The following FASTKD5 variants were observed in gnomAD, a reference collection of about 807,000 sequenced individuals.
FASTKD5 encodes the protein non-canonical pre-mRNAs endonuclease FASTKD5, mitochondrial.
A neutral mutation model predicts 44.0 loss-of-function variants in FASTKD5; 30 were observed. The ratio of observed to expected loss-of-function variants is 0.68; its 90% CI spans 0.51 to 0.93. The LOEUF is 0.93. FASTKD5 is among the 40% of genes least tolerant of loss of function. The pLI, the probability that FASTKD5 is intolerant of heterozygous loss-of-function variation, is 0.00. For missense variants in FASTKD5, 868 were observed against 908.2 expected, an observed-to-expected ratio of 0.96 and a Z score of 0.57; for synonymous variants, 335 against 342.2, an observed-to-expected ratio of 0.98 and a Z score of 0.23.
chr20:3,157,414 T>C (rs2066697338), intron 1 of FASTKD5, among the ~76,000 whole-genome samples: 1 of 152,226 alleles, frequency 6.6e-6, no homozygotes, highest in South Asian at 2.1e-4. Context: ...CTTTTTGTTC[T>C]AGACTCCATG....
chr20:3,157,810 T>C (rs1289839665), intron 1 of FASTKD5, among the ~76,000 whole-genome samples: 1 of 152,194 alleles, frequency 6.6e-6, no homozygotes, highest in African/African-American at 2.4e-5. Flanking sequence ...CAATAAACAC[T>C]TGGTTTTATC....
Position 3,149,056 on chromosome 20 carries a change from G to A in FASTKD5, c.15C>T (p.Leu5=). The change falls in exon 2 of 2, where the codon CTC becomes CTT. Residue 5 remains leucine, a synonymous_variant. Coordinates refer to ENST00000380266, the MANE Select transcript of FASTKD5 (RefSeq NM_021826.5). The surrounding 1 kb of genome is among the most constrained non-coding windows in gnomAD (Gnocchi z 4.1). ...GGTATCTTACAAGTTTTAATGACTTGAGAGTAGCTGCCATTCTGGTGTCAG... is the reference window on the plus strand; with the variant it reads ...GGTATCTTACAAGTTTTAATGACTTAAGAGTAGCTGCCATTCTGGTGTCAG... MAAT[L]KSLKLVRYRA... 1 of 1,610,842 alleles carries A rather than the reference G, an allele frequency of 6.2e-7. No homozygotes were observed. Among genetic ancestry groups the A allele is most frequent in the African/African-American group, 1.3e-5 (1 of 74,962 alleles).
rs769863884 is a variant in FASTKD5, at chr20:3,146,864, G to A, written c.2207C>T (p.Ser736Phe). The A allele has an allele frequency of 1.9e-6, 3 of 1,614,182 alleles. No homozygotes were observed. Among genetic ancestry groups the A allele is most frequent in the Non-Finnish European group, 2.5e-6 (3 of 1,180,028 alleles). ...ARLGYRVVEL[S>F]YWEWLPLLKR... ...CAGTAGTGGGAGCCATTCCCAGTAGGATAACTCTACCACACGGTAGCCAAG... is the reference window on the plus strand; with the variant it reads ...CAGTAGTGGGAGCCATTCCCAGTAGAATAACTCTACCACACGGTAGCCAAG... Residue 736 changes from serine (S) to phenylalanine (F), a missense_variant, in exon 2 of 2, where the codon TCC becomes TTC. Coordinates refer to ENST00000380266, the MANE Select transcript of FASTKD5 (RefSeq NM_021826.5).
At position 3,147,060 on chromosome 20, in the gene FASTKD5, T is replaced by C; in HGVS notation, c.2011A>G (p.Asn671Asp). 1 of 1,614,234 alleles carries C rather than the reference T, an allele frequency of 6.2e-7. No homozygotes were observed. The highest frequency in any genetic ancestry group is 1.1e-5 in the South Asian group (1 of 91,088). ...AAVPLGGFLC[N>D]VADKSGAMEM... ...ATGGCCCCTGATTTATCTGCTACAT[T>C]GCAAAGGAAGCCCCCCAGAGGTACA... Residue 671 changes from asparagine (N) to aspartate (D), a missense_variant, in exon 2 of 2, where the codon AAT (asparagine) becomes GAT (aspartate). Asn to Asp is a conservative substitution (Grantham distance 23). Coordinates refer to ENST00000380266, the MANE Select transcript of FASTKD5 (RefSeq NM_021826.5).
At chr20:3,158,020 G>T (rs2066706261) in intron 1 of FASTKD5, among the ~76,000 whole-genome samples, 1 of 151,980 alleles carries the variant, frequency 6.6e-6, no homozygotes, top group Non-Finnish European at 1.5e-5. Context: ...AACCTCCCGG[G>T]CGAGGATCGC....
intron 1 of FASTKD5, among the ~76,000 whole-genome samples, chr20:3,156,321 T>A (rs1279422724): frequency 6.6e-6 from 1 of 151,864 alleles, no homozygotes; most frequent in Admixed American, 6.6e-5. Context: ...GACTAAAGGC[T>A]CACGCCAACA....
chr20:3,149,774 T>C lies in FASTKD5; in HGVS notation c.-190-514A>G, dbSNP rs573140669. ...GGCTCATGCCTGTAATGCCAGCACT[T>C]TGGGAGGCCGAGGCAGGCAGATCAC... On this transcript the variant is annotated intron_variant, in intron 1 of 1. Coordinates refer to ENST00000380266, the MANE Select transcript of FASTKD5 (RefSeq NM_021826.5). This position sits in a 1 kb window ranked among gnomAD's most constrained non-coding sequence, Gnocchi z 4.1. Among the ~76,000 whole-genome samples, 3 of 152,278 alleles carry C rather than the reference T, an allele frequency of 2.0e-5. No individual in the cohort carries two copies. The highest frequency in any genetic ancestry group is 1.9e-4 in the East Asian group (1 of 5,176).
At chr20:3,154,278 C>G (rs886067058) in intron 1 of FASTKD5, among the ~76,000 whole-genome samples, 2 of 152,106 alleles carry the variant, frequency 1.3e-5, no homozygotes, top group African/African-American at 4.8e-5. Flanking sequence ...ATACTTCTAC[C>G]GGATAATCCG....
At position 3,147,476 on chromosome 20, in the gene FASTKD5, C is replaced by T. The variant is rs781016406; in HGVS notation, c.1595G>A (p.Arg532His). 1.1e-5 allele frequency: 18 copies of T among 1,614,192 alleles called. No homozygotes were observed. Among genetic ancestry groups the T allele is most frequent in the East Asian group, 6.7e-5 (3 of 44,890 alleles). ...GIECPDYRGN[R>H]LSTHLQQEGS... ...CTCTTGCTGAAGGTGAGTACTAAGA[C>T]GATTGCCTCTGTAATCTGGACACTC... Residue 532 changes from arginine (R) to histidine (H), a missense_variant, in exon 2 of 2, where the codon CGT becomes CAT. Arg to His is a conservative substitution (Grantham distance 29, BLOSUM62 0). Transcript: ENST00000380266.
At chr20:3,155,068 AAAAAGAAAAG>A (rs1555765478) in intron 1 of FASTKD5, among the ~76,000 whole-genome samples, 1 of 132,010 alleles carries the variant, frequency 7.6e-6, no homozygotes, top group Non-Finnish European at 1.6e-5. Context: ...AAAAAAAAAA[AAAAAGAAAAG>A]AAAAGAAAAG....
intron 1 of FASTKD5, among the ~76,000 whole-genome samples, chr20:3,151,153 C>G (rs896889701): frequency 6.6e-6 from 1 of 152,172 alleles, no homozygotes; most frequent in East Asian, 1.9e-4. Context: ...TCCTCCTACC[C>G]TGGCCTCCTG....
At chr20:3,150,301 G>A (rs928140002) in intron 1 of FASTKD5, among the ~76,000 whole-genome samples, 1 of 152,146 alleles carries the variant, frequency 6.6e-6, no homozygotes, top group Non-Finnish European at 1.5e-5. Flanking sequence ...TCACGGGTGG[G>A]AAGCAAAGAG....
In FASTKD5 at chr20:3,148,309, T is replaced by C. The variant is rs569505100; in HGVS notation, c.762A>G (p.Leu254=). 1 of 1,613,658 alleles carries C rather than the reference T, an allele frequency of 6.2e-7. No homozygotes were observed. The highest frequency in any genetic ancestry group is 1.7e-5 in the Admixed American group (1 of 59,942). Reference sequence around the variant, plus strand: ...TTAAAAACCTAGGTACTTTGCGGCCTAAGTACCTCCAGAGATCAGCCACCA... The same window carrying C: ...TTAAAAACCTAGGTACTTTGCGGCCCAAGTACCTCCAGAGATCAGCCACCA... ...LLLVADLWRY[L]GRKVPRFLNI... Residue 254 remains leucine (L), a synonymous_variant, in exon 2 of 2, where the codon TTA becomes TTG. Coordinates refer to ENST00000380266, the MANE Select transcript of FASTKD5 (RefSeq NM_021826.5).
chr20:3,148,247 T>G lies in FASTKD5; in HGVS notation c.824A>C (p.Asp275Ala). The change falls in exon 2 of 2, where the codon GAT (aspartate) becomes GCT (alanine). Residue 275 changes from aspartate (D) to alanine (A), a missense_variant. Asp to Ala is a moderately radical substitution (Grantham distance 126). Coordinates refer to ENST00000380266, the MANE Select transcript of FASTKD5 (RefSeq NM_021826.5). ...FSSYLNLHWKDLSLSQLVHLI... is the reference protein window; with the variant it reads ...FSSYLNLHWKALSLSQLVHLI... ...GTGAACTAGCTGAGACAAGGATAGATCCTTCCAGTGCAAATTAAGATAACT... is the reference window on the plus strand; with the variant it reads ...GTGAACTAGCTGAGACAAGGATAGAGCCTTCCAGTGCAAATTAAGATAACT... 2 of 1,613,514 alleles carry G rather than the reference T, an allele frequency of 1.2e-6. No individual in the cohort carries two copies. Among genetic ancestry groups the G allele is most frequent in the South Asian group, 1.1e-5 (1 of 90,932 alleles).
chr20:3,146,648 G>C lies in FASTKD5; in HGVS notation c.*128C>G. On this transcript the variant is annotated 3_prime_UTR_variant, in exon 2 of 2. Coordinates refer to ENST00000380266, the MANE Select transcript of FASTKD5 (RefSeq NM_021826.5). ...CATACACTAGCTCTAACCTGCCTTGGATACAATTAAGTCTCCTCAACACAC... is the reference window on the plus strand; with the variant it reads ...CATACACTAGCTCTAACCTGCCTTGCATACAATTAAGTCTCCTCAACACAC... 7 of 1,108,876 alleles carry C rather than the reference G, an allele frequency of 6.3e-6. No homozygotes were observed. The highest frequency in any genetic ancestry group is 9.1e-6 in the Non-Finnish European group (7 of 766,622). The allele number at this position is 1,108,876 out of a possible 1,614,324, so 68.7% of individuals were successfully genotyped here. A position where few individuals can be genotyped will look rare whatever the true frequency, so the allele number is the denominator to read the frequency against.
chr20:3,147,710 A>T lies in FASTKD5; in HGVS notation c.1361T>A (p.Leu454Gln), dbSNP rs2066581383. Residue 454 changes from leucine (L) to glutamine (Q), a missense_variant, in exon 2 of 2, where the codon CTG becomes CAG. Transcript: ENST00000380266. ...CATCTTTCTGTGAATCTCACTTATC[A>T]GGCTGGAGTAAAATTCTTCTGCATT... is the stretch of plus-strand genomic sequence containing the variant. ...PPNAEEFYSS[L>Q]ISEIHRKMPE... The T allele has an allele frequency of 3.7e-6, 6 of 1,614,254 alleles. No individual in the cohort carries two copies. Among genetic ancestry groups the T allele is most frequent in the Non-Finnish European group, 4.2e-6 (5 of 1,180,038 alleles).
At position 3,148,072 on chromosome 20, in the gene FASTKD5, A is replaced by T; in HGVS notation, c.999T>A (p.Ser333=). Residue 333 remains serine (S), a synonymous_variant, in exon 2 of 2, where the codon TCT becomes TCA. Transcript: ENST00000380266. ...LGFFKSSTNL[S]EFVMRKIGDL... Reference sequence around the variant, plus strand: ...CTCCAATTTTCCGCATGACAAATTCAGAGAGATTAGTACTTGATTTAAAGA... The same window carrying T: ...CTCCAATTTTCCGCATGACAAATTCTGAGAGATTAGTACTTGATTTAAAGA... 1 of 1,614,208 alleles carries T rather than the reference A, an allele frequency of 6.2e-7. No individual in the cohort carries two copies. Among genetic ancestry groups the T allele is most frequent in the South Asian group, 1.1e-5 (1 of 91,082 alleles).
intron 1 of FASTKD5, among the ~76,000 whole-genome samples, chr20:3,157,930 C>CAACA (rs2066704646): frequency 6.6e-6 from 1 of 151,748 alleles, no homozygotes; most frequent in Non-Finnish European, 1.5e-5. Flanking sequence ...GGGTCTCGCT[C>CAACA]TGTTGTTCAG....
chr20:3,147,650 G>C lies in FASTKD5; in HGVS notation c.1421C>G (p.Thr474Ser), dbSNP rs780894664. 1 of 1,614,146 alleles carries C rather than the reference G, an allele frequency of 6.2e-7. No homozygotes were observed. The highest frequency in any genetic ancestry group is 2.2e-5 in the East Asian group (1 of 44,900). ...CAAAAATGCCAGGCCCAGCAGGCAG[G>C]TGGGCAGGTGTTCTGGGTACTGGTT... ...EFNQYPEHLPTCLLGLAFLEY... is the reference protein window; with the variant it reads ...EFNQYPEHLPSCLLGLAFLEY... Residue 474 changes from threonine (T) to serine (S), a missense_variant, in exon 2 of 2, where the codon ACC becomes AGC. By Grantham distance (58) the Thr-to-Ser change is moderately conservative. Transcript: ENST00000380266.
Sources: allele counts gnomAD v4.1 joint callset (sites outside exome capture counted in the v4.1 genomes callset), GRCh38; gene constraint gnomAD v4.1.1; non-coding constraint Gnocchi (gnomAD v3.1); transcripts MANE v1.5; gene names NCBI Gene and HGNC (gene_info 2026-07-23, HGNC 2026-07-21).